PRELID2: variants seen among roughly 807,000 people sequenced by gnomAD.
The protein encoded by PRELID2 is PRELI domain-containing protein 2.
PRELID2 carries 25 observed loss-of-function variants against 28.4 expected under a neutral mutation model. That is an observed-to-expected ratio of 0.88 (90% confidence interval 0.64 to 1.23). The LOEUF is 1.23. Among genes scored for constraint, PRELID2 ranks in the 50% most tolerant of loss-of-function variants. PRELID2 has a pLI of 0.00. For synonymous variants in PRELID2, 76 were observed against 71.6 expected (o/e 1.06, Z -0.31); for missense variants, 201 against 214.4 (o/e 0.94, Z 0.39).
At chr5:145,772,446 A>G (rs962521483) in intron 5 of PRELID2, among the ~76,000 whole-genome samples, 3 of 152,198 alleles carry the variant, frequency 2.0e-5, no homozygotes, top group Admixed American at 1.3e-4. Context: ...TAAACAAAAA[A>G]AAAGTTTATT....
chr5:145,472,308 C>A lies in PRELID2; in HGVS notation n.187-171G>T, dbSNP rs11167902. On this transcript the variant is annotated intron_variant and non_coding_transcript_variant, in intron 2 of 2. Transcript: ENST00000510259. ...AATGCTGAGACCACTTTCTTACCAC[C>A]TACAGTCTCTGGTTAGATGCTCTCC... Among the ~76,000 whole-genome samples the A allele has an allele frequency of 3.9e-5, 6 of 152,084 alleles. No homozygotes were observed. In the East Asian group the frequency reaches 1.2e-3, roughly 29 times the overall value.
chr5:145,553,038 T>TG (rs1752850402), intron 1 of PRELID2, among the ~76,000 whole-genome samples: 4 of 152,354 alleles, frequency 2.6e-5, no homozygotes, highest in Admixed American at 2.6e-4. Flanking sequence ...GGTGTTGCTA[T>TG]GTACTGGACA....
At chr5:145,820,184 T>A (rs1581270881) in intron 2 of PRELID2, among the ~76,000 whole-genome samples, 166 bp from the exon 3 acceptor site, 1 of 151,006 alleles carries the variant, frequency 6.6e-6, no homozygotes, top group African/African-American at 2.4e-5. Context: ...TCACTGCAAC[T>A]TCTACCTCCT....
At chr5:145,483,134 C>A (rs1752178144) in intron 1 of PRELID2, among the ~76,000 whole-genome samples, 1 of 152,138 alleles carries the variant, frequency 6.6e-6, no homozygotes, top group Admixed American at 6.6e-5. Flanking sequence ...AAATCGCCCA[C>A]AATTGTTGAT....
the PRELID2 span, among the ~76,000 whole-genome samples, chr5:145,440,375 A>G: frequency 9.9e-5 from 15 of 152,202 alleles, no homozygotes; most frequent in African/African-American, 3.6e-4. Flanking sequence ...TTGGGACTCA[A>G]TTTGAAGATT....
At chr5:145,736,368 G>A (rs1340783728) in intron 1 of PRELID2, among the ~76,000 whole-genome samples, 1 of 137,856 alleles carries the variant, frequency 7.3e-6, no homozygotes, top group Non-Finnish European at 1.6e-5. Context: ...CCTCACAGAG[G>A]GTAACTAACT....
the PRELID2 span, among the ~76,000 whole-genome samples, chr5:145,340,446 C>T: frequency 6.6e-6 from 1 of 152,100 alleles, no homozygotes; most frequent in East Asian, 1.9e-4. Context: ...ATGACCAGCA[C>T]CCATGCAAGC....
intron 1 of PRELID2, among the ~76,000 whole-genome samples, chr5:145,517,232 T>C (rs1021187284): frequency 1.3e-5 from 2 of 151,946 alleles, no homozygotes; most frequent in Non-Finnish European, 2.9e-5. Context: ...TTTTGCAATC[T>C]ATCCATCTGA....
chr5:145,537,765 A>G (rs1226360798), intron 1 of PRELID2, among the ~76,000 whole-genome samples: 3 of 151,852 alleles, frequency 2.0e-5, no homozygotes, highest in Non-Finnish European at 4.4e-5. Context: ...TAGTTTGCAA[A>G]TATTTTCTCC....
chr5:145,726,317 G>GAT (rs367786847), intron 1 of PRELID2, among the ~76,000 whole-genome samples: 2,856 of 142,770 alleles, frequency 0.02, 63 homozygotes, highest in East Asian at 0.073. Flanking sequence ...GAGAGAGAGA[G>GAT]AGAAAGAGAG....
At chr5:145,602,903 T>C (rs944478067) in intron 1 of PRELID2, among the ~76,000 whole-genome samples, 52 of 151,906 alleles carry the variant, frequency 3.4e-4, no homozygotes, top group African/African-American at 1.2e-3. Flanking sequence ...AATACAAAAA[T>C]TTGCCAGGCG....
intron 1 of PRELID2, among the ~76,000 whole-genome samples, chr5:145,475,872 T>C (rs1011877253): frequency 6.6e-6 from 1 of 152,184 alleles, no homozygotes; most frequent in Non-Finnish European, 1.5e-5. Flanking sequence ...TAAAATATTT[T>C]CCCATGTGAA....
chr5:145,601,126 G>A (rs1039090100), intron 1 of PRELID2, among the ~76,000 whole-genome samples: 7 of 152,138 alleles, frequency 4.6e-5, no homozygotes, highest in South Asian at 2.1e-4. Context: ...ACTATACTCC[G>A]GCTGTGATGA....
chr5:145,418,753 A>G, the PRELID2 span, among the ~76,000 whole-genome samples: 1 of 151,902 alleles, frequency 6.6e-6, no homozygotes, highest in Non-Finnish European at 1.5e-5. Context: ...TTATACTTTA[A>G]GTTTTAGGGT....
At chr5:145,388,948 TG>T in the PRELID2 span, among the ~76,000 whole-genome samples, 4 of 152,174 alleles carry the variant, frequency 2.6e-5, no homozygotes, top group African/African-American at 9.6e-5. Context: ...TTATTTATTT[TG>T]CTTTTTTCTA....
chr5:145,774,088 C>G (rs941946518), intron 5 of PRELID2, among the ~76,000 whole-genome samples: 1 of 152,230 alleles, frequency 6.6e-6, no homozygotes, highest in African/African-American at 2.4e-5. Flanking sequence ...AAAAACCAAT[C>G]TCACCAAACC....
At chr5:145,321,820 ATAAAT>A in the PRELID2 span, among the ~76,000 whole-genome samples, 53 of 152,298 alleles carry the variant, frequency 3.5e-4, no homozygotes, top group African/African-American at 1.2e-3. Context: ...CCTCATACAA[ATAAAT>A]TAAAACACTA....
At chr5:145,329,813 G>A in the PRELID2 span, among the ~76,000 whole-genome samples, 3 of 152,036 alleles carry the variant, frequency 2.0e-5, no homozygotes, top group African/African-American at 2.4e-5. Context: ...CTTTCAATAC[G>A]ATGTTGAACA....
At chr5:145,449,199 C>T in the PRELID2 span, among the ~76,000 whole-genome samples, 1 of 152,046 alleles carries the variant, frequency 6.6e-6, no homozygotes, top group Non-Finnish European at 1.5e-5. Flanking sequence ...GGCTGAGTCC[C>T]ACGTGTTAGC....
Sources: gnomAD v4.1 joint callset for allele counts (sites outside exome capture counted in the v4.1 genomes callset) on GRCh38, gnomAD v4.1.1 for gene constraint, MANE v1.5 for transcripts, NCBI Gene and HGNC (gene_info 2026-07-23, HGNC 2026-07-21) for gene names.